The following IL33 variants were observed in gnomAD, a reference collection of about 807,000 sequenced individuals.
IL33 encodes the protein interleukin 33, also known as interleukin-33.
Under a neutral mutation model 27.3 loss-of-function variants are expected in IL33, and 37 were observed. The observed-to-expected ratio is 1.36, with a 90% CI of 1.04 to 1.78. IL33 has a LOEUF of 1.78. Ranked by LOEUF, IL33 falls within the 40% of genes most tolerant of loss-of-function variation. The pLI is 0.00. For synonymous variants in IL33, 132 were observed against 102.9 expected (o/e 1.28, Z -1.71); for missense variants, 406 against 311.4 (o/e 1.30, Z -2.29).
Position 6,256,089 on chromosome 9 carries a change from A to G in IL33, c.734A>G (p.Asn245Ser), listed in dbSNP as rs1285298713. 6 of 1,613,222 alleles carry G rather than the reference A, an allele frequency of 3.7e-6. No individual in the cohort carries two copies. Among genetic ancestry groups the G allele is most frequent in the Non-Finnish European group, 5.1e-6 (6 of 1,179,400 alleles). Residue 245 changes from asparagine (N) to serine (S), a missense_variant, in exon 8 of 8, where the codon AAT (asparagine) becomes AGT (serine). Transcript: ENST00000682010. The stretch of plus-strand genomic sequence containing the variant: ...GGAGTGTTTATAGGTGTAAAGGATA[A>G]TCATCTTGCTCTGATTAAAGTAGAC... ...DPGVFIGVKD[N>S]HLALIKVDSS...
At chr9:6,235,281 G>A (rs975933515) in intron 1 of IL33, among the ~76,000 whole-genome samples, 1 of 152,132 alleles carries the variant, frequency 6.6e-6, no homozygotes, top group Non-Finnish European at 1.5e-5. Context: ...CTGGCCTCAA[G>A]TGGTCCTCCT....
intron 2 of IL33, among the ~76,000 whole-genome samples, chr9:6,245,675 C>T (rs577560034): frequency 1.8e-4 from 27 of 152,110 alleles, no homozygotes; most frequent in African/African-American, 4.3e-4. Context: ...CAGATATATT[C>T]AGAAGGTGAA....
chr9:6,252,773 A>G (rs909044179), intron 4 of IL33, 93 bp from the exon 5 acceptor site: 1 of 1,480,618 alleles, frequency 6.8e-7, no homozygotes, highest in African/African-American at 1.4e-5. Context: ...ACAAAATGCA[A>G]CTCAAATTGC....
intron 1 of IL33, among the ~76,000 whole-genome samples, chr9:6,230,670 C>A (rs10815383): frequency 6.6e-6 from 1 of 151,974 alleles, no homozygotes; most frequent in Non-Finnish European, 1.5e-5. Context: ...CAGCCAGGAC[C>A]TGTCTTCTTC....
chr9:6,252,026 G>A (rs1816391859), intron 4 of IL33, among the ~76,000 whole-genome samples: 1 of 136,304 alleles, frequency 7.3e-6, no homozygotes, highest in Non-Finnish European at 1.5e-5. Context: ...AACAAGAGCG[G>A]CTGTCTCAGA....
rs1175665105 is a variant in IL33, at chr9:6,250,615, C to T, written c.217+16C>T. On this transcript the variant is annotated intron_variant, in intron 3 of 7. Transcript: ENST00000682010. ...CTGAAAACAGGTAAGGGGAACCGTA[C>T]ATTCTCTGGCAATAGTGATAAGTAT... is the stretch of plus-strand genomic sequence containing the variant. The T allele has an allele frequency of 2.5e-6, 4 of 1,607,498 alleles. No homozygotes were observed. In the East Asian group the frequency reaches 8.9e-5, roughly 36 times the overall value.
intron 2 of IL33, chr9:6,242,603 C>G (rs1313644432): frequency 1.3e-5 from 2 of 152,088 alleles, no homozygotes; most frequent in African/African-American, 4.8e-5. Context: ...TTTCAGCGAT[C>G]AAGAATTACT....
At chr9:6,234,050 T>G (rs1353831140) in intron 1 of IL33, among the ~76,000 whole-genome samples, 3 of 152,220 alleles carry the variant, frequency 2.0e-5, no homozygotes, top group South Asian at 2.1e-4. Flanking sequence ...TAATATGAAC[T>G]CTTCTTTTTT....
chr9:6,236,817 G>A (rs1368974744), intron 1 of IL33, among the ~76,000 whole-genome samples: 1 of 152,216 alleles, frequency 6.6e-6, no homozygotes, highest in Non-Finnish European at 1.5e-5. Context: ...GCTGCAGTGA[G>A]CTGAGATCGT....
intron 2 of IL33, among the ~76,000 whole-genome samples, chr9:6,249,125 G>A (rs1003274419): frequency 6.6e-6 from 1 of 152,206 alleles, no homozygotes; most frequent in Non-Finnish European, 1.5e-5. Flanking sequence ...GAGTTCTAGA[G>A]TGGGTGTGAA....
chr9:6,245,404 T>C (rs1350546124), intron 2 of IL33, among the ~76,000 whole-genome samples: 8 of 152,188 alleles, frequency 5.3e-5, no homozygotes, highest in African/African-American at 1.7e-4. Context: ...AGTCTATCCA[T>C]AGAAGATCTG....
intron 3 of IL33, 55 bp from the exon 4 acceptor site, chr9:6,251,085 G>T: frequency 1.9e-6 from 3 of 1,587,598 alleles, no homozygotes; most frequent in Non-Finnish European, 2.6e-6. Flanking sequence ...CCTCAAAGGG[G>T]CATTTGTGCA....
intron 2 of IL33, among the ~76,000 whole-genome samples, chr9:6,247,287 G>A (rs12336478): frequency 0.054 from 8,233 of 152,234 alleles, 718 homozygotes; most frequent in African/African-American, 0.18. Context: ...GAAGAACCTA[G>A]GGAAACTGGT....
intron 1 of IL33, among the ~76,000 whole-genome samples, chr9:6,217,153 T>G (rs1264211455): frequency 1.3e-5 from 2 of 151,912 alleles, no homozygotes; most frequent in Non-Finnish European, 1.5e-5. Flanking sequence ...AGCCACAGAG[T>G]AGTCACTGGT....
chr9:6,257,832 T>C lies in IL33; in HGVS notation c.*1664T>C, dbSNP rs1217125340. ...CTGTCAATAATTGTTACCAAAGAGATAAAAATAAAAGCAGAATGTATATCA... is the reference window on the plus strand; with the variant it reads ...CTGTCAATAATTGTTACCAAAGAGACAAAAATAAAAGCAGAATGTATATCA... On this transcript the variant is annotated 3_prime_UTR_variant, in exon 8 of 8. Transcript: ENST00000682010. 2 of 152,124 alleles carry C rather than the reference T, an allele frequency of 1.3e-5. No homozygotes were observed. The highest frequency in any genetic ancestry group is 4.8e-5 in the African/African-American group (2 of 41,456). The allele number at this position is 152,124 out of a possible 1,614,324, so 9.4% of individuals were successfully genotyped here.
intron 2 of IL33, among the ~76,000 whole-genome samples, chr9:6,248,636 A>G (rs1820018025): frequency 2.0e-5 from 3 of 151,930 alleles, no homozygotes; most frequent in African/African-American, 4.8e-5. Context: ...GTGCAGTGGC[A>G]TGATTATAGC....
chr9:6,227,075 G>A (rs1818669214), intron 1 of IL33, among the ~76,000 whole-genome samples: 1 of 152,248 alleles, frequency 6.6e-6, no homozygotes, highest in Non-Finnish European at 1.5e-5. Flanking sequence ...TCCTGAGAAG[G>A]TAAATTCTTA....
intron 2 of IL33, among the ~76,000 whole-genome samples, chr9:6,243,500 C>T (rs1339815692): frequency 6.6e-6 from 1 of 152,082 alleles, no homozygotes; most frequent in Non-Finnish European, 1.5e-5. Context: ...ATTACAGGCA[C>T]ACACCACCAT....
intron 1 of IL33, among the ~76,000 whole-genome samples, chr9:6,239,625 C>G (rs749697793): frequency 1.3e-5 from 2 of 151,744 alleles, no homozygotes; most frequent in African/African-American, 2.4e-5. Context: ...AGAGAGCTTT[C>G]TCTCCTTCTT....
Sources: allele counts gnomAD v4.1 joint callset (sites outside exome capture counted in the v4.1 genomes callset), GRCh38; gene constraint gnomAD v4.1.1; transcripts MANE v1.5; gene names NCBI Gene and HGNC (gene_info 2026-07-23, HGNC 2026-07-21).